BTBD16: variants seen among roughly 807,000 people sequenced by gnomAD.
The protein encoded by BTBD16 is BTB domain containing 16.
Under a neutral mutation model 67.4 loss-of-function variants are expected in BTBD16, and 66 were observed. That is an observed-to-expected ratio of 0.98 (90% CI 0.80 to 1.20). The LOEUF (loss-of-function observed/expected upper bound fraction) is 1.20. Among genes scored for constraint, BTBD16 ranks in the 50% most tolerant of loss-of-function variants. BTBD16 has a pLI of 0.00. For synonymous variants in BTBD16, 242 were observed against 236.4 expected (o/e 1.02, Z -0.22); for missense variants, 634 against 616.0 (o/e 1.03, Z -0.31).
chr10:122,328,336 G>C (rs1203315383), intron 10 of BTBD16, among the ~76,000 whole-genome samples: 1 of 152,126 alleles, frequency 6.6e-6, no homozygotes, highest in Non-Finnish European at 1.5e-5. Context: ...TGGCTGCTCT[G>C]TCCACCTCCA....
At chr10:122,334,325 A>G (rs1181993565) in intron 13 of BTBD16, among the ~76,000 whole-genome samples, 2 of 150,058 alleles carry the variant, frequency 1.3e-5, no homozygotes, top group African/African-American at 2.5e-5. Context: ...CCTCCTGAGT[A>G]GCTGGGACTA....
chr10:122,286,171 C>T lies in BTBD16; in HGVS notation c.308C>T (p.Thr103Ile), dbSNP rs200382240. 620 of 1,613,974 alleles carry T rather than the reference C, an allele frequency of 3.8e-4. No individual in the cohort carries two copies. Among genetic ancestry groups the T allele is most frequent in the Non-Finnish European group, 4.8e-4 (566 of 1,179,918 alleles). Residue 103 changes from threonine (T) to isoleucine (I), a missense_variant, in exon 5 of 16, where the codon ACC becomes ATC. Transcript: ENST00000260723. ...LHQPQLFQSETLAKLYLKALA... is the reference protein window; with the variant it reads ...LHQPQLFQSEILAKLYLKALA... ...CAGCCCCAGCTTTTTCAGTCTGAGA[C>T]CTTGGCCAAGCTCTACCTGAAAGCC... is the stretch of plus-strand genomic sequence containing the variant.
intron 13 of BTBD16, among the ~76,000 whole-genome samples, chr10:122,334,315 C>T (rs2096459669): frequency 6.6e-6 from 1 of 151,012 alleles, no homozygotes; most frequent in Non-Finnish European, 1.5e-5. Flanking sequence ...CTTGCCTCAG[C>T]CTCCTGAGTA....
At chr10:122,318,585 T>C (rs536038832) in intron 10 of BTBD16, among the ~76,000 whole-genome samples, 1 of 151,726 alleles carries the variant, frequency 6.6e-6, no homozygotes, top group Non-Finnish European at 1.5e-5. Flanking sequence ...GGTTGGACTA[T>C]TTTTTTTGTT....
At chr10:122,325,352 A>G (rs2096442584) in intron 10 of BTBD16, among the ~76,000 whole-genome samples, 1 of 152,248 alleles carries the variant, frequency 6.6e-6, no homozygotes, top group East Asian at 1.9e-4. Context: ...ATCTAGGAGC[A>G]GAGACAAGCA....
At chr10:122,275,181 G>A in intron 2 of BTBD16, 82 bp downstream of exon 2, 2 of 1,387,986 alleles carry the variant, frequency 1.4e-6, no homozygotes, top group South Asian at 2.3e-5. Context: ...TCCACAAGGG[G>A]CTGGGTTCTG....
intron 7 of BTBD16, among the ~76,000 whole-genome samples, chr10:122,295,641 G>A (rs1173056958): frequency 1.3e-5 from 2 of 152,162 alleles, no homozygotes; most frequent in African/African-American, 4.8e-5. Flanking sequence ...GGGGAAGTGG[G>A]AGCGGGAGGA....
At chr10:122,307,414 C>T (rs1335807148) in intron 10 of BTBD16, 106 bp downstream of exon 10, 2 of 1,235,870 alleles carry the variant, frequency 1.6e-6, no homozygotes, top group African/African-American at 1.6e-5. Flanking sequence ...TTTTTCATAG[C>T]ATCATTCAGA....
chr10:122,305,540 G>C (rs973861243), intron 9 of BTBD16, among the ~76,000 whole-genome samples: 5 of 152,102 alleles, frequency 3.3e-5, no homozygotes, highest in Non-Finnish European at 5.9e-5. Flanking sequence ...TTTACCTTCT[G>C]CCAAGATGGT....
At chr10:122,328,830 C>T (rs999160297) in intron 10 of BTBD16, 16 of 985,266 alleles carry the variant, frequency 1.6e-5, no homozygotes, top group Non-Finnish European at 1.9e-5. Context: ...ATCTTCTCAA[C>T]CCAGCGCTGA....
At chr10:122,274,980 C>A in intron 1 of BTBD16, 60 bp from the exon 2 acceptor site, 1 of 1,180,200 alleles carries the variant, frequency 8.5e-7, no homozygotes, top group Non-Finnish European at 1.3e-6. Context: ...TTAGGCCAAT[C>A]TCCTCCATAA....
rs1320587565 is a variant in BTBD16, at chr10:122,332,339, G to GA, written c.1087-96dup. 9.1e-5 allele frequency: 90 copies of GA among 992,432 alleles called. 1 individual carries two copies. In the East Asian group the frequency reaches 2.2e-3, roughly 25 times the overall value. 61.5% of individuals were successfully genotyped at this position (992,432 alleles called of 1,614,324 possible). A position where few individuals can be genotyped will look rare whatever the true frequency, so the allele number is the denominator to read the frequency against. ...GGCAAAACTCTTTTTCAAACCTGGT[G>GA]AGGGGGGCAGGGGTCAAGGAAGAGG... On this transcript the variant is annotated intron_variant, in intron 12 of 15. Coordinates refer to ENST00000260723, the MANE Select transcript of BTBD16 (RefSeq NM_144587.5).
intron 11 of BTBD16, 42 bp downstream of exon 11, chr10:122,329,613 T>C (rs745920605): frequency 2.3e-5 from 36 of 1,564,470 alleles, no homozygotes; most frequent in Non-Finnish European, 3.2e-5. Flanking sequence ...GGAAAGCTGC[T>C]GGGCACCTGC....
chr10:122,298,430 A>T lies in BTBD16; in HGVS notation c.661-574A>T, dbSNP rs982564348. On this transcript the variant is annotated intron_variant, in intron 8 of 15. Transcript: ENST00000260723. ...TTGTGGTGGAAACTGCATCCTGGTCAGCATTTCTCAGCAATGCTTGGGCTG... is the reference window on the plus strand; with the variant it reads ...TTGTGGTGGAAACTGCATCCTGGTCTGCATTTCTCAGCAATGCTTGGGCTG... Among the ~76,000 whole-genome samples the T allele has an allele frequency of 2.6e-5, 4 of 152,202 alleles. No homozygotes were observed. The East Asian group carries it at 7.7e-4, about 29-fold the overall frequency.
intron 7 of BTBD16, among the ~76,000 whole-genome samples, chr10:122,292,801 G>A (rs2096376531): frequency 6.6e-6 from 1 of 152,220 alleles, no homozygotes. Context: ...ATGGAATGAA[G>A]TTTGGGAATT....
At chr10:122,292,697 C>G (rs549438497) in intron 7 of BTBD16, among the ~76,000 whole-genome samples, 1 of 152,332 alleles carries the variant, frequency 6.6e-6, no homozygotes, top group Non-Finnish European at 1.5e-5. Context: ...TCTGGGAGGC[C>G]AAGGAGACAG....
intron 10 of BTBD16, among the ~76,000 whole-genome samples, chr10:122,319,705 C>G (rs1025713609): frequency 1.3e-5 from 2 of 152,022 alleles, no homozygotes; most frequent in African/African-American, 4.8e-5. Flanking sequence ...ACTCTAGCTC[C>G]TTTGCACTTT....
chr10:122,279,470 G>A (rs2096347612), intron 3 of BTBD16, among the ~76,000 whole-genome samples: 1 of 148,796 alleles, frequency 6.7e-6, no homozygotes, highest in African/African-American at 2.5e-5. Context: ...GAGACAGAGG[G>A]AGATTTGTCT....
chr10:122,319,513 G>A (rs59507630), intron 10 of BTBD16, among the ~76,000 whole-genome samples: 3,362 of 152,130 alleles, frequency 0.022, 126 homozygotes, highest in African/African-American at 0.075. Context: ...TTTTGGCACC[G>A]TTGTCAAACA....
Sources: allele counts gnomAD v4.1 joint callset (sites outside exome capture counted in the v4.1 genomes callset), GRCh38; gene constraint gnomAD v4.1.1; transcripts MANE v1.5; gene names NCBI Gene and HGNC (gene_info 2026-07-23, HGNC 2026-07-21).